Variants in CSMD1 observed in about 807,000 individuals in gnomAD.
The protein encoded by CSMD1 is CUB and Sushi multiple domains 1.
In CSMD1, 213 loss-of-function variants were observed where a neutral mutation model predicts 417.5. The ratio of observed to expected loss-of-function variants is 0.51; its 90% CI spans 0.46 to 0.57. CSMD1 has a LOEUF of 0.57. Ranked by LOEUF, CSMD1 falls within the 20% of genes least tolerant of loss-of-function variation. The pLI is 0.00. For missense variants in CSMD1, 6,923 were observed against 4,529.7 expected (o/e 1.53, Z -15.17); for synonymous variants, 2,862 against 1,736.8 (o/e 1.65, Z -16.11).
chr8:3,729,935 A>G (rs867758881), intron 6 of CSMD1, among the ~76,000 whole-genome samples: 16 of 31,136 alleles, frequency 5.1e-4, no homozygotes, highest in African/African-American at 9.2e-4. Context: ...AAAAAAAAAA[A>G]AAAAAAAAAA....
At chr8:4,914,927 T>A (rs1052421524) in intron 1 of CSMD1, among the ~76,000 whole-genome samples, 2 of 152,116 alleles carry the variant, frequency 1.3e-5, no homozygotes, top group Non-Finnish European at 2.9e-5. Flanking sequence ...GAACAGAACA[T>A]TTATCCAAAG....
chr8:4,238,858 G>A (rs1485898756), intron 3 of CSMD1, among the ~76,000 whole-genome samples: 1 of 152,092 alleles, frequency 6.6e-6, no homozygotes, highest in Non-Finnish European at 1.5e-5. Flanking sequence ...TTTAAAAATC[G>A]ATAGCAAATG....
chr8:3,237,695 C>CAAATATAATTTTTATAATTATACTAT lies in CSMD1; in HGVS notation c.4154-7465_4154-7464insATAGTATAATTATAAAAATTATATTT, dbSNP rs1337516510. ...AATTTTTATAATTATACTTATACTACAAATATAATTTTTATAATTATACTT... is the reference window on the plus strand; with the variant it reads ...AATTTTTATAATTATACTTATACTACAAATATAATTTTTATAATTATACTATAAATATAATTTTTATAATTATACTT... On this transcript the variant is annotated intron_variant, in intron 26 of 69. Coordinates refer to ENST00000635120, the MANE Select transcript of CSMD1 (RefSeq NM_033225.6). 9.0e-3 allele frequency among the ~76,000 whole-genome samples: 414 copies of CAAATATAATTTTTATAATTATACTAT among 45,958 alleles called. 146 individuals carry two copies. The highest frequency in any genetic ancestry group is 0.02 in the Non-Finnish European group (313 of 15,328). The allele number at this position is 45,958 out of a possible 152,430, so 30.2% of individuals were successfully genotyped here. A position where few individuals can be genotyped will look rare whatever the true frequency, so the allele number is the denominator to read the frequency against.
chr8:4,575,115 G>A (rs767811252), intron 2 of CSMD1, among the ~76,000 whole-genome samples: 4 of 152,142 alleles, frequency 2.6e-5, no homozygotes, highest in Admixed American at 6.5e-5. Flanking sequence ...AAGGTGCATA[G>A]TTCATTCTTT....
chr8:4,562,110 G>A (rs960784992), intron 2 of CSMD1, among the ~76,000 whole-genome samples: 2 of 152,296 alleles, frequency 1.3e-5, no homozygotes, highest in South Asian at 4.1e-4. Context: ...ATAGAGGAGG[G>A]AAGAGTGTAG....
At chr8:3,783,087 G>A (rs76338840) in intron 5 of CSMD1, among the ~76,000 whole-genome samples, 8 of 152,072 alleles carry the variant, frequency 5.3e-5, no homozygotes, top group Non-Finnish European at 8.8e-5. Context: ...TCCCCATCCC[G>A]TAACCCCCAG....
chr8:3,981,380 A>G (rs573302277), intron 5 of CSMD1, among the ~76,000 whole-genome samples: 1 of 152,128 alleles, frequency 6.6e-6, no homozygotes, highest in South Asian at 2.1e-4. Context: ...AAAAGACAAC[A>G]AATATGGTGC....
At chr8:4,820,369 A>G (rs1187715065) in intron 1 of CSMD1, among the ~76,000 whole-genome samples, 2 of 152,202 alleles carry the variant, frequency 1.3e-5, no homozygotes, top group Non-Finnish European at 2.9e-5. Context: ...ATGCACTTCT[A>G]TGATTTTTAA....
At chr8:4,117,170 A>G (rs1171621400) in intron 3 of CSMD1, among the ~76,000 whole-genome samples, 1 of 151,768 alleles carries the variant, frequency 6.6e-6, no homozygotes, top group Non-Finnish European at 1.5e-5. Context: ...GAATTATCTG[A>G]GTATTATTCA....
At position 3,643,187 on chromosome 8, in the gene CSMD1, G is replaced by C. The variant is rs911554650; in HGVS notation, c.1010-26390C>G. ...GTGAGAGCCACATCCAGGAAGCTCAGGGAAAACCAATCAGGATAATGAAAA... is the reference window on the plus strand; with the variant it reads ...GTGAGAGCCACATCCAGGAAGCTCACGGAAAACCAATCAGGATAATGAAAA... On this transcript the variant is annotated intron_variant, in intron 7 of 69. Transcript: ENST00000635120. Among the ~76,000 whole-genome samples the C allele has an allele frequency of 5.9e-5, 9 of 151,966 alleles. No individual in the cohort carries two copies. The South Asian group carries it at 8.3e-4, about 14-fold the overall frequency.
At chr8:3,672,062 T>C (rs762110471) in intron 7 of CSMD1, among the ~76,000 whole-genome samples, 2 of 152,190 alleles carry the variant, frequency 1.3e-5, no homozygotes, top group Non-Finnish European at 2.9e-5. Context: ...AGTCAACATC[T>C]TATCTTACTT....
At chr8:4,085,867 G>C (rs1214704247) in intron 3 of CSMD1, among the ~76,000 whole-genome samples, 1 of 152,062 alleles carries the variant, frequency 6.6e-6, no homozygotes, top group Admixed American at 6.6e-5. Flanking sequence ...TCAGTATCCG[G>C]GCTGTATTAT....
intron 5 of CSMD1, among the ~76,000 whole-genome samples, chr8:3,857,264 G>A (rs1439385689): frequency 1.3e-5 from 2 of 152,118 alleles, no homozygotes; most frequent in Non-Finnish European, 2.9e-5. Flanking sequence ...ATTTACAAAT[G>A]GAGTAATCTT....
At chr8:3,471,934 G>A (rs1044044145) in intron 11 of CSMD1, among the ~76,000 whole-genome samples, 37 of 152,124 alleles carry the variant, frequency 2.4e-4, no homozygotes, top group African/African-American at 8.0e-4. Context: ...AAAACGAGTC[G>A]AGGAGAGTGT....
intron 18 of CSMD1, among the ~76,000 whole-genome samples, chr8:3,370,632 A>C (rs1809886323): frequency 6.6e-6 from 1 of 152,186 alleles, no homozygotes; most frequent in Non-Finnish European, 1.5e-5. Context: ...TGCTTTCACC[A>C]ATGTGAACTG....
chr8:3,217,236 C>T (rs1006623636), intron 29 of CSMD1, among the ~76,000 whole-genome samples: 3 of 152,276 alleles, frequency 2.0e-5, no homozygotes, highest in African/African-American at 7.2e-5. Context: ...GCAATGGCAT[C>T]ATTCCTATTC....
chr8:3,688,868 T>C (rs1270470302), intron 7 of CSMD1, among the ~76,000 whole-genome samples: 1 of 151,826 alleles, frequency 6.6e-6, no homozygotes, highest in African/African-American at 2.4e-5. Context: ...AATAGAGAGA[T>C]CAGAAATAGA....
intron 2 of CSMD1, among the ~76,000 whole-genome samples, chr8:4,466,225 T>G (rs971807183): frequency 7.2e-5 from 11 of 152,002 alleles, no homozygotes; most frequent in African/African-American, 2.7e-4. Context: ...GACAGGGATC[T>G]CTCCTGGCTA....
chr8:4,389,406 A>G (rs925076043), intron 3 of CSMD1, among the ~76,000 whole-genome samples: 3 of 152,220 alleles, frequency 2.0e-5, no homozygotes, highest in African/African-American at 4.8e-5. Flanking sequence ...GAATTAGACC[A>G]TAGAAACATA....
Sources: gnomAD v4.1 joint callset for allele counts (sites outside exome capture counted in the v4.1 genomes callset) on GRCh38, gnomAD v4.1.1 for gene constraint, MANE v1.5 for transcripts, NCBI Gene and HGNC (gene_info 2026-07-23, HGNC 2026-07-21) for gene names.